SLC27A6: variants seen among roughly 807,000 people sequenced by gnomAD.
SLC27A6 encodes solute carrier family 27 member 6.
In SLC27A6, 74 loss-of-function variants were observed where a neutral mutation model predicts 63.9. That is an observed-to-expected ratio of 1.16 (90% CI 0.96 to 1.40). The LOEUF (loss-of-function observed/expected upper bound fraction) is 1.40, where lower values mean the gene tolerates loss of function less well. SLC27A6 is among the 40% of genes most tolerant of loss of function. The pLI, the probability that SLC27A6 is intolerant of heterozygous loss-of-function variation, is 0.00. For synonymous variants in SLC27A6, 287 were observed against 260.8 expected, an observed-to-expected ratio of 1.10 and a Z score of -0.97; for missense variants, 794 against 732.9, an observed-to-expected ratio of 1.08 and a Z score of -0.96.
chr5:128,980,617 T>C (rs1750553023), intron 1 of SLC27A6, among the ~76,000 whole-genome samples: 1 of 152,242 alleles, frequency 6.6e-6, no homozygotes, highest in African/African-American at 2.4e-5. Context: ...GTGAAAAGCC[T>C]GTTGAACTGC....
At chr5:128,970,191 T>A (rs913508275) in intron 1 of SLC27A6, among the ~76,000 whole-genome samples, 26 of 147,830 alleles carry the variant, frequency 1.8e-4, no homozygotes, top group African/African-American at 6.1e-4. Context: ...GATTTTTGCA[T>A]CAGTGTTCAT....
intron 1 of SLC27A6, among the ~76,000 whole-genome samples, chr5:128,974,781 C>T (rs1750320012): frequency 6.6e-6 from 1 of 152,202 alleles, no homozygotes; most frequent in Non-Finnish European, 1.5e-5. Flanking sequence ...TACCCTGGAT[C>T]TCACTGAACT....
At chr5:128,992,694 C>G (rs954332123) in intron 4 of SLC27A6, among the ~76,000 whole-genome samples, 2 of 152,208 alleles carry the variant, frequency 1.3e-5, no homozygotes, top group South Asian at 2.1e-4. Flanking sequence ...GCCACAACCT[C>G]ACATATTTTA....
chr5:129,009,632 C>T (rs1314930297), intron 4 of SLC27A6, among the ~76,000 whole-genome samples: 2 of 151,918 alleles, frequency 1.3e-5, no homozygotes, highest in African/African-American at 4.8e-5. Context: ...ATGTCTATCA[C>T]AAATCCATCT....
intron 5 of SLC27A6, among the ~76,000 whole-genome samples, chr5:129,022,447 C>A (rs1279158255): frequency 2.0e-5 from 3 of 152,056 alleles, no homozygotes; most frequent in Non-Finnish European, 2.9e-5. Context: ...TGTATTTAAT[C>A]TTTGATGATA....
intron 1 of SLC27A6, among the ~76,000 whole-genome samples, chr5:128,976,813 G>A (rs257894): frequency 0.32 from 48,431 of 152,044 alleles, 8,460 homozygotes; most frequent in East Asian, 0.62. Context: ...ATGTTGAACA[G>A]CAAAATACTA....
At chr5:128,997,110 A>C (rs1352538646) in intron 4 of SLC27A6, among the ~76,000 whole-genome samples, 2 of 152,172 alleles carry the variant, frequency 1.3e-5, no homozygotes, top group African/African-American at 4.8e-5. Flanking sequence ...CAAAGTACAT[A>C]GTTTTGGAAA....
chr5:129,003,862 G>A lies in SLC27A6; in HGVS notation c.970-12023G>A, dbSNP rs1275300564. On this transcript the variant is annotated intron_variant, in intron 4 of 9. Transcript: ENST00000262462. ...GCATGCCTGTAGTCTCAGCTACTTGGGAAGGTGAGGTGGGAGGATTGCTTG... is the reference window on the plus strand; with the variant it reads ...GCATGCCTGTAGTCTCAGCTACTTGAGAAGGTGAGGTGGGAGGATTGCTTG... Among the ~76,000 whole-genome samples, 3 of 151,426 alleles carry A rather than the reference G, an allele frequency of 2.0e-5. No individual in the cohort carries two copies. In the Admixed American group the frequency reaches 2.0e-4, roughly 10 times the overall value.
At position 129,029,718 on chromosome 5, in the gene SLC27A6, T is replaced by A; in HGVS notation, c.1683+11T>A. On this transcript the variant is annotated intron_variant, in intron 9 of 9. Coordinates refer to ENST00000262462, the MANE Select transcript of SLC27A6 (RefSeq NM_001017372.3). ...TTTTTAAGAATTCAGGTAATTTTAG[T>A]GGCGGAGTTTACTATCAAATATAAG... 2 of 1,591,772 alleles carry A rather than the reference T, an allele frequency of 1.3e-6. No homozygotes were observed. Among genetic ancestry groups the A allele is most frequent in the Non-Finnish European group, 1.7e-6 (2 of 1,172,126 alleles).
intron 2 of SLC27A6, among the ~76,000 whole-genome samples, chr5:128,987,448 G>GA (rs1453600608): frequency 1.3e-5 from 2 of 151,788 alleles, no homozygotes; most frequent in Non-Finnish European, 2.9e-5. Context: ...CCAGATATTT[G>GA]AAAAAAATCC....
chr5:129,003,911 T>G (rs1751430623), intron 4 of SLC27A6, among the ~76,000 whole-genome samples: 1 of 140,372 alleles, frequency 7.1e-6, no homozygotes, highest in Non-Finnish European at 1.5e-5. Flanking sequence ...GAGGCTGCAG[T>G]GAGCTGAGAT....
chr5:129,016,415 A>G (rs1174461741), intron 5 of SLC27A6, among the ~76,000 whole-genome samples: 1 of 150,676 alleles, frequency 6.6e-6, no homozygotes, highest in Non-Finnish European at 1.5e-5. Flanking sequence ...AAAAAAAAAA[A>G]AAAGGAGCAC....
At chr5:129,018,364 A>G (rs1751975108) in intron 5 of SLC27A6, among the ~76,000 whole-genome samples, 1 of 152,062 alleles carries the variant, frequency 6.6e-6, no homozygotes, top group Non-Finnish European at 1.5e-5. Context: ...AGTAATCGGC[A>G]GACATGTGTT....
intron 4 of SLC27A6, among the ~76,000 whole-genome samples, chr5:128,993,081 A>G (rs1237885092): frequency 6.6e-6 from 1 of 152,238 alleles, no homozygotes; most frequent in African/African-American, 2.4e-5. Flanking sequence ...GTATGTGGAT[A>G]CTTTTGCGAT....
intron 5 of SLC27A6, among the ~76,000 whole-genome samples, chr5:129,023,284 G>C (rs1190592565): frequency 6.6e-6 from 1 of 151,992 alleles, no homozygotes; most frequent in Non-Finnish European, 1.5e-5. Context: ...TGCAGAAAAT[G>C]GTCCTTTTGC....
chr5:129,022,094 C>A (rs929346935), intron 5 of SLC27A6, among the ~76,000 whole-genome samples: 1 of 152,140 alleles, frequency 6.6e-6, no homozygotes, highest in Non-Finnish European at 1.5e-5. Context: ...TTTCTACTAG[C>A]CATTAGGCAA....
chr5:128,968,743 G>A (rs1369109430), intron 1 of SLC27A6, among the ~76,000 whole-genome samples: 1 of 151,888 alleles, frequency 6.6e-6, no homozygotes, highest in African/African-American at 2.4e-5. Flanking sequence ...AGTTTCTTTT[G>A]CTGTACAGAA....
At chr5:128,968,086 T>C (rs1042980658) in intron 1 of SLC27A6, among the ~76,000 whole-genome samples, 29 of 152,338 alleles carry the variant, frequency 1.9e-4, no homozygotes, top group African/African-American at 7.0e-4. Flanking sequence ...ACAAAGGACA[T>C]GAACTCATCC....
At position 129,004,047 on chromosome 5, in the gene SLC27A6, T is replaced by C. The variant is rs530030029; in HGVS notation, c.970-11838T>C. 5.6e-4 allele frequency among the ~76,000 whole-genome samples: 85 copies of C among 150,644 alleles called. 1 individual carries two copies. The highest frequency in any genetic ancestry group is 1.0e-3 in the Non-Finnish European group (69 of 67,738). On this transcript the variant is annotated intron_variant, in intron 4 of 9. Coordinates refer to ENST00000262462, the MANE Select transcript of SLC27A6 (RefSeq NM_001017372.3). Reference sequence around the variant, plus strand: ...GAGCTTTCTGAGAACTCAGAGAACGTGTCTGACCTCTAGTCAAAAAACAGC... The same window carrying C: ...GAGCTTTCTGAGAACTCAGAGAACGCGTCTGACCTCTAGTCAAAAAACAGC...
Sources: gnomAD v4.1 joint callset for allele counts (sites outside exome capture counted in the v4.1 genomes callset) on GRCh38, gnomAD v4.1.1 for gene constraint, MANE v1.5 for transcripts, NCBI Gene and HGNC (gene_info 2026-07-23, HGNC 2026-07-21) for gene names.